PSAP: variants seen among roughly 807,000 people sequenced by gnomAD.
PSAP encodes the protein prosaposin, also known as precursor of saposins.
PSAP carries 25 observed loss-of-function variants against 66.0 expected under a neutral mutation model. That is an observed-to-expected ratio of 0.38 (90% confidence interval 0.28 to 0.53). The LOEUF (loss-of-function observed/expected upper bound fraction) is 0.53. PSAP is among the 20% of genes least tolerant of loss of function. The pLI is 0.83. For synonymous variants in PSAP, 273 were observed against 258.9 expected, an observed-to-expected ratio of 1.05 and a Z score of -0.52; for missense variants, 649 against 668.8, an observed-to-expected ratio of 0.97 and a Z score of 0.33.
intron 1 of PSAP, among the ~76,000 whole-genome samples, chr10:71,843,392 C>T (rs549728194): frequency 4.3e-4 from 66 of 152,234 alleles, no homozygotes; most frequent in African/African-American, 1.5e-3. Flanking sequence ...TAGGAAGCCA[C>T]ATGGCCCTCT....
chr10:71,819,933 G>A lies in PSAP; in HGVS notation c.1006-33C>T, dbSNP rs377657008. 34 of 1,581,922 alleles carry A rather than the reference G, an allele frequency of 2.1e-5. No homozygotes were observed. The Admixed American group carries it at 2.4e-4, about 11-fold the overall frequency. On this transcript the variant is annotated intron_variant, in intron 9 of 13. Transcript: ENST00000394936. ...ACACGAGAGGATCGTGTGAGAAGACGGGAGGCCGGACAAGGGTTGGGGGAC... is the reference window on the plus strand; with the variant it reads ...ACACGAGAGGATCGTGTGAGAAGACAGGAGGCCGGACAAGGGTTGGGGGAC...
At chr10:71,833,415 GCCACT>G (rs1842559067) in intron 2 of PSAP, among the ~76,000 whole-genome samples, 1 of 152,192 alleles carries the variant, frequency 6.6e-6, no homozygotes, top group Non-Finnish European at 1.5e-5. Context: ...CCATGATTGT[GCCACT>G]GCACTCCAGC....
intron 1 of PSAP, 67 bp downstream of exon 1, chr10:71,851,115 A>T: frequency 6.6e-7 from 1 of 1,523,514 alleles, no homozygotes; most frequent in South Asian, 1.2e-5. Flanking sequence ...GGCCCGGCAC[A>T]GCCCATTCTG....
At chr10:71,825,949 C>G in intron 6 of PSAP, 56 bp from the exon 7 acceptor site, 1 of 1,492,654 alleles carries the variant, frequency 6.7e-7, no homozygotes, top group African/African-American at 1.4e-5. Context: ...CACCAAAACC[C>G]AACCAACAAA....
chr10:71,831,332 T>C (rs1385060597), intron 3 of PSAP, 81 bp from the exon 4 acceptor site: 8 of 1,561,174 alleles, frequency 5.1e-6, no homozygotes, highest in African/African-American at 4.1e-5. Context: ...AGGCCCTCAA[T>C]AGCTCCCAGA....
At chr10:71,823,237 G>A (rs1842340061) in intron 7 of PSAP, among the ~76,000 whole-genome samples, 1 of 152,162 alleles carries the variant, frequency 6.6e-6, no homozygotes, top group Admixed American at 6.5e-5. Context: ...GAAGGACACT[G>A]GCTCAGAGCA....
rs1415619569 is a variant in PSAP at position 71,820,333 on chromosome 10, C to T, written c.912G>A (p.Lys304=). The T allele has an allele frequency of 1.9e-6, 3 of 1,613,572 alleles. No individual in the cohort carries two copies. The highest frequency in any genetic ancestry group is 4.5e-5 in the East Asian group (2 of 44,880). Residue 304 remains lysine, a splice_region_variant and synonymous_variant, in exon 9 of 14, where the codon AAG becomes AAA. Transcript: ENST00000394936. ...CATCAGACTTTGCTGGGACCTCGTG[C>T]TTCTGTGGAAAGAGTAGAAGGAGAG... ...PALELVEPIK[K]HEVPAKSDVY...
At chr10:71,848,782 C>T (rs1364768594) in intron 1 of PSAP, among the ~76,000 whole-genome samples, 2 of 152,150 alleles carry the variant, frequency 1.3e-5, no homozygotes, top group African/African-American at 4.8e-5. Context: ...AACATTTTCA[C>T]AATATCACAA....
chr10:71,849,576 C>CAG (rs1842886483), intron 1 of PSAP, among the ~76,000 whole-genome samples: 1 of 152,078 alleles, frequency 6.6e-6, no homozygotes, highest in Non-Finnish European at 1.5e-5. Flanking sequence ...ACCACTCCGG[C>CAG]CTGGGCAACA....
At chr10:71,833,044 A>AAAAAAAAAAAAG (rs1842552350) in intron 2 of PSAP, among the ~76,000 whole-genome samples, 1 of 149,756 alleles carries the variant, frequency 6.7e-6, no homozygotes, top group Admixed American at 6.6e-5. Context: ...AAAAACAAAA[A>AAAAAAAAAAAAG]CAGAAGGCCG....
At chr10:71,846,975 T>C (rs969215953) in intron 1 of PSAP, among the ~76,000 whole-genome samples, 2 of 152,098 alleles carry the variant, frequency 1.3e-5, no homozygotes, top group African/African-American at 2.4e-5. Flanking sequence ...TTCCTAAGCA[T>C]GCCTCATTAG....
chr10:71,820,126 G>T, intron 9 of PSAP, 114 bp downstream of exon 9: 1 of 1,039,790 alleles, frequency 9.6e-7, no homozygotes, highest in Non-Finnish European at 1.5e-6. Context: ...TGGGGACATG[G>T]CTGTACACAT....
rs1417996947 is a variant in PSAP, at chr10:71,819,577, T to C, written c.1238A>G (p.Lys413Arg). Reference sequence around the variant, plus strand: ...GCGATCCAAATAACCCACCAGCTTCTTGCACACTTCGCAGAAGCCACCGTC... The same window carrying C: ...GCGATCCAAATAACCCACCAGCTTCCTGCACACTTCGCAGAAGCCACCGTC... ...PKDGGFCEVC[K>R]KLVGYLDRNL... The change falls in exon 11 of 14, where the codon AAG (lysine) becomes AGG (arginine). Residue 413 changes from lysine to arginine, a missense_variant. Lys to Arg is a conservative substitution (Grantham distance 26). Coordinates refer to ENST00000394936, the MANE Select transcript of PSAP (RefSeq NM_002778.4). 3 of 1,614,096 alleles carry C rather than the reference T, an allele frequency of 1.9e-6. No homozygotes were observed. Among genetic ancestry groups the C allele is most frequent in the Non-Finnish European group, 2.5e-6 (3 of 1,180,046 alleles).
At chr10:71,833,032 C>CAAAA (rs1220122223) in intron 2 of PSAP, among the ~76,000 whole-genome samples, 8 of 95,360 alleles carry the variant, frequency 8.4e-5, no homozygotes, top group African/African-American at 2.8e-4. Context: ...AAAAAAAAAA[C>CAAAA]AAAAAACAAA....
At position 71,848,926 on chromosome 10, in the gene PSAP, G is replaced by A. The variant is rs552131226; in HGVS notation, c.40+2256C>T. On this transcript the variant is annotated intron_variant, in intron 1 of 13. Coordinates refer to ENST00000394936, the MANE Select transcript of PSAP (RefSeq NM_002778.4). Reference sequence around the variant, plus strand: ...ACCTCCCATTTACCCGAGTGTTCACGGAAGAGGGTCCCTTGGTTAACTAAA... The same window carrying A: ...ACCTCCCATTTACCCGAGTGTTCACAGAAGAGGGTCCCTTGGTTAACTAAA... Among the ~76,000 whole-genome samples, 5 of 152,264 alleles carry A rather than the reference G, an allele frequency of 3.3e-5. No homozygotes were observed. The East Asian group carries it at 9.6e-4, about 29-fold the overall frequency.
intron 6 of PSAP, among the ~76,000 whole-genome samples, 166 bp downstream of exon 6, chr10:71,827,848 T>C (rs147502910): frequency 6.6e-6 from 1 of 152,304 alleles, no homozygotes; most frequent in Non-Finnish European, 1.5e-5. Context: ...CCAGTTTTGT[T>C]ACATATCCAG....
chr10:71,847,971 C>T (rs985734500), intron 1 of PSAP, among the ~76,000 whole-genome samples: 1 of 152,324 alleles, frequency 6.6e-6, no homozygotes, highest in African/African-American at 2.4e-5. Context: ...CACCACACAG[C>T]TGACAGCTAT....
chr10:71,848,291 T>C (rs913196158), intron 1 of PSAP, among the ~76,000 whole-genome samples: 4 of 152,188 alleles, frequency 2.6e-5, no homozygotes, highest in Non-Finnish European at 5.9e-5. Flanking sequence ...GTTGTCTACT[T>C]AATCGTCCAC....
intron 7 of PSAP, among the ~76,000 whole-genome samples, chr10:71,825,072 C>T (rs1589449472): frequency 6.6e-6 from 1 of 152,188 alleles, no homozygotes; most frequent in African/African-American, 2.4e-5. Context: ...TGCTGTAGCA[C>T]AAAACAGGCG....
Sources: gnomAD v4.1 joint callset for allele counts (sites outside exome capture counted in the v4.1 genomes callset) on GRCh38, gnomAD v4.1.1 for gene constraint, MANE v1.5 for transcripts, NCBI Gene and HGNC (gene_info 2026-07-23, HGNC 2026-07-21) for gene names.